Variants in CTNNA3 observed in about 807,000 individuals in gnomAD.
CTNNA3 encodes the protein catenin alpha 3.
CTNNA3 carries 76 observed loss-of-function variants against 95.7 expected under a neutral mutation model. The observed-to-expected ratio is 0.79, with a 90% CI of 0.66 to 0.96. CTNNA3 has a LOEUF of 0.96. CTNNA3 is among the 40% of genes least tolerant of loss of function. The pLI is 0.00. For synonymous variants in CTNNA3, 431 were observed against 374.4 expected (o/e 1.15, Z -1.74); for missense variants, 1,191 against 1,089.8 (o/e 1.09, Z -1.31).
At chr10:66,795,441 G>A (rs1321719304) in intron 7 of CTNNA3, among the ~76,000 whole-genome samples, 3 of 152,098 alleles carry the variant, frequency 2.0e-5, no homozygotes, top group Non-Finnish European at 4.4e-5. Flanking sequence ...TCAATAGTGA[G>A]CTTAAAATGT....
chr10:67,483,981 A>G (rs1332196153), intron 5 of CTNNA3, among the ~76,000 whole-genome samples: 2 of 152,182 alleles, frequency 1.3e-5, no homozygotes, highest in African/African-American at 2.4e-5. Context: ...AGAGTATTCT[A>G]AAGTTCAAAT....
At chr10:66,074,230 T>C (rs2080501198) in intron 14 of CTNNA3, among the ~76,000 whole-genome samples, 2 of 151,782 alleles carry the variant, frequency 1.3e-5, no homozygotes, top group African/African-American at 4.8e-5. Context: ...TACAAATATA[T>C]ATATATATAT....
chr10:67,089,717 ATGTGTGTGTGTGTGTGTGTG>A (rs71006125), intron 7 of CTNNA3, among the ~76,000 whole-genome samples: 1 of 144,648 alleles, frequency 6.9e-6, no homozygotes, highest in Non-Finnish European at 1.5e-5. Flanking sequence ...GTATATACAT[ATGTGTGTGTGTGTGTGTGTG>A]TGTGTGTGTG....
intron 1 of CTNNA3, among the ~76,000 whole-genome samples, chr10:67,652,711 G>T (rs554072649): frequency 2.4e-5 from 3 of 127,360 alleles, no homozygotes; most frequent in Admixed American, 2.2e-4. Flanking sequence ...TAACATTTTT[G>T]TTTTTCTACT....
intron 7 of CTNNA3, among the ~76,000 whole-genome samples, chr10:67,119,992 A>G (rs1323552275): frequency 6.6e-6 from 1 of 151,906 alleles, no homozygotes; most frequent in Non-Finnish European, 1.5e-5. Context: ...GAACATTTCC[A>G]TATCTTAGCT....
intron 7 of CTNNA3, among the ~76,000 whole-genome samples, chr10:67,001,320 A>C (rs1851679218): frequency 6.6e-6 from 1 of 151,146 alleles, no homozygotes. Context: ...AAAGAAAAAA[A>C]AAGAGAAAAA....
At chr10:67,107,730 G>GACCA (rs531734462) in intron 7 of CTNNA3, among the ~76,000 whole-genome samples, 2,616 of 152,294 alleles carry the variant, frequency 0.017, 78 homozygotes, top group East Asian at 0.12. Flanking sequence ...TTAGGTGATA[G>GACCA]TGAGACAGCC....
rs190201388 is a variant in CTNNA3, at chr10:66,648,598, T to C, written c.1282-26814A>G. 8.5e-4 allele frequency among the ~76,000 whole-genome samples: 130 copies of C among 152,202 alleles called. No homozygotes were observed. In the Middle Eastern group the frequency reaches 0.014, roughly 16 times the overall value. ...ACACTAAAATGTTTTCTGAAGAACATTGACAAATTAAGATTTGCACATTAT... is the reference window on the plus strand; with the variant it reads ...ACACTAAAATGTTTTCTGAAGAACACTGACAAATTAAGATTTGCACATTAT... On this transcript the variant is annotated intron_variant, in intron 9 of 17. Coordinates refer to ENST00000433211, the MANE Select transcript of CTNNA3 (RefSeq NM_013266.4).
intron 10 of CTNNA3, among the ~76,000 whole-genome samples, chr10:66,617,959 C>A (rs1027361308): frequency 1.3e-5 from 2 of 151,522 alleles, no homozygotes; most frequent in Admixed American, 6.6e-5. Context: ...CTCCCATTCA[C>A]AATTGCTTCA....
At chr10:66,789,550 A>T (rs956127117) in intron 7 of CTNNA3, among the ~76,000 whole-genome samples, 1 of 152,156 alleles carries the variant, frequency 6.6e-6, no homozygotes, top group Non-Finnish European at 1.5e-5. Context: ...AAATTTACCA[A>T]ATTCATGAAA....
chr10:66,084,182 GA>G (rs762349805), intron 14 of CTNNA3, among the ~76,000 whole-genome samples: 1 of 145,154 alleles, frequency 6.9e-6, no homozygotes, highest in Non-Finnish European at 1.5e-5. Context: ...GAAAAGGAAA[GA>G]AAAAAAGAAA....
At chr10:66,521,969 G>A (rs1166507872) in intron 10 of CTNNA3, among the ~76,000 whole-genome samples, 1 of 152,156 alleles carries the variant, frequency 6.6e-6, no homozygotes, top group African/African-American at 2.4e-5. Flanking sequence ...TCATTGAGTG[G>A]AATGTTTTTT....
At chr10:66,272,596 T>C (rs1258124247) in intron 13 of CTNNA3, among the ~76,000 whole-genome samples, 2 of 151,996 alleles carry the variant, frequency 1.3e-5, no homozygotes. Flanking sequence ...AGCAGTACCA[T>C]CAGGACCCAG....
At chr10:66,931,252 T>C (rs1054323979) in intron 7 of CTNNA3, among the ~76,000 whole-genome samples, 2 of 150,444 alleles carry the variant, frequency 1.3e-5, no homozygotes, top group African/African-American at 4.9e-5. Flanking sequence ...CAGAATACTT[T>C]GCTTTACCAA....
chr10:67,034,354 G>T (rs116837369), intron 7 of CTNNA3, among the ~76,000 whole-genome samples: 2,721 of 152,276 alleles, frequency 0.018, 78 homozygotes, highest in African/African-American at 0.061. Context: ...ACACTTGTAA[G>T]TGATGAGGAT....
intron 6 of CTNNA3, among the ~76,000 whole-genome samples, chr10:67,214,818 T>A (rs1370760584): frequency 1.3e-5 from 2 of 151,970 alleles, no homozygotes; most frequent in Non-Finnish European, 2.9e-5. Flanking sequence ...TAATCAGTCA[T>A]CATTCATAGG....
At chr10:66,023,682 T>C (rs2079271366) in intron 15 of CTNNA3, among the ~76,000 whole-genome samples, 3 of 152,324 alleles carry the variant, frequency 2.0e-5, no homozygotes, top group Non-Finnish European at 2.9e-5. Flanking sequence ...CCTAGACGTA[T>C]TGTGAAATTG....
At chr10:66,245,513 C>G (rs1448332479) in intron 13 of CTNNA3, among the ~76,000 whole-genome samples, 1 of 152,162 alleles carries the variant, frequency 6.6e-6, no homozygotes, top group Non-Finnish European at 1.5e-5. Context: ...GGTAGGCAGA[C>G]AAGTGGAGGG....
intron 16 of CTNNA3, among the ~76,000 whole-genome samples, chr10:65,969,151 G>C (rs1033161129): frequency 1.6e-4 from 25 of 151,714 alleles, no homozygotes; most frequent in Non-Finnish European, 8.8e-5. Context: ...AGGTGTAGGA[G>C]TACACAAGTT....
Sources: allele counts gnomAD v4.1 joint callset (sites outside exome capture counted in the v4.1 genomes callset), GRCh38; gene constraint gnomAD v4.1.1; transcripts MANE v1.5; gene names NCBI Gene and HGNC (gene_info 2026-07-23, HGNC 2026-07-21).